TTLL11: variants seen among roughly 807,000 people sequenced by gnomAD.
The protein encoded by TTLL11 is tubulin polyglutamylase TTLL11.
A neutral mutation model predicts 51.7 loss-of-function variants in TTLL11; 42 were observed. The ratio of observed to expected loss-of-function variants is 0.81; its 90% CI spans 0.64 to 1.05. TTLL11 has a LOEUF of 1.05. Among genes scored for constraint, TTLL11 ranks in the 50% least tolerant of loss-of-function variants. The pLI is 0.00. For synonymous variants in TTLL11, 381 were observed against 383.5 expected (o/e 0.99, Z 0.08); for missense variants, 799 against 940.4 (o/e 0.85, Z 1.97).
chr9:122,079,014 G>A lies in TTLL11; in HGVS notation c.462+13673C>T, dbSNP rs1425642923. Among the ~76,000 whole-genome samples the A allele has an allele frequency of 7.2e-5, 11 of 152,226 alleles. No individual in the cohort carries two copies. The East Asian group carries it at 2.1e-3, about 29-fold the overall frequency. ...GACATTTGGATTGTTTCCACTTTCT[G>A]GCTATTGTGAATAATGCTACTATGA... On this transcript the variant is annotated intron_variant, in intron 1 of 8. Transcript: ENST00000321582.
At chr9:121,823,812 T>A (rs753516952) in intron 8 of TTLL11, among the ~76,000 whole-genome samples, 13 of 152,158 alleles carry the variant, frequency 8.5e-5, no homozygotes, top group Non-Finnish European at 1.5e-4. Flanking sequence ...TAAATAGTCA[T>A]CCCTACGACA....
intron 6 of TTLL11, among the ~76,000 whole-genome samples, chr9:121,895,254 T>A (rs1050230826): frequency 7.2e-5 from 11 of 152,054 alleles, no homozygotes; most frequent in African/African-American, 2.7e-4. Context: ...GAACCTCATT[T>A]GTGTGTGTGT....
At chr9:121,909,635 T>G (rs969621067) in intron 6 of TTLL11, among the ~76,000 whole-genome samples, 1 of 152,132 alleles carries the variant, frequency 6.6e-6, no homozygotes, top group Non-Finnish European at 1.5e-5. Flanking sequence ...AGGCATTGTG[T>G]TGGGAACTAG....
chr9:122,052,305 T>C (rs370542635), intron 1 of TTLL11, among the ~76,000 whole-genome samples: 7 of 152,238 alleles, frequency 4.6e-5, no homozygotes, highest in African/African-American at 1.7e-4. Flanking sequence ...CTCTTGCCTA[T>C]GGAAAATGGA....
intron 6 of TTLL11, among the ~76,000 whole-genome samples, chr9:121,954,581 C>G (rs1313677958): frequency 6.6e-6 from 1 of 152,114 alleles, no homozygotes; most frequent in Non-Finnish European, 1.5e-5. Flanking sequence ...CTTCTGAATG[C>G]AGGGGAGAAG....
intron 3 of TTLL11, among the ~76,000 whole-genome samples, chr9:121,994,221 T>C (rs1452938459): frequency 6.6e-6 from 1 of 152,148 alleles, no homozygotes; most frequent in Non-Finnish European, 1.5e-5. Flanking sequence ...GATGATGTGC[T>C]GCTTCGGTGG....
chr9:122,036,229 G>C lies in TTLL11; in HGVS notation c.559+3043C>G, dbSNP rs1047033361. On this transcript the variant is annotated intron_variant, in intron 2 of 8. Coordinates refer to ENST00000321582, the MANE Select transcript of TTLL11 (RefSeq NM_001139442.2). ...AGCCCCAGAGCCCAGACCAATGCTT[G>C]ACAGATGGCTGTCCCCACAGGTTCC... 2.6e-5 allele frequency among the ~76,000 whole-genome samples: 4 copies of C among 151,788 alleles called. No homozygotes were observed. The East Asian group carries it at 7.9e-4, about 30-fold the overall frequency.
intron 1 of TTLL11, among the ~76,000 whole-genome samples, chr9:122,074,437 C>T (rs1365584850): frequency 6.6e-6 from 1 of 152,096 alleles, no homozygotes; most frequent in East Asian, 1.9e-4. Context: ...CATGAAGGTA[C>T]TTGTTGATTT....
At chr9:121,850,336 A>G (rs935555311) in intron 8 of TTLL11, among the ~76,000 whole-genome samples, 1 of 152,130 alleles carries the variant, frequency 6.6e-6, no homozygotes, top group Admixed American at 6.5e-5. Context: ...GGTGTGGCTC[A>G]GTCCAAGTCT....
At chr9:122,018,552 T>C (rs1204201055) in intron 3 of TTLL11, among the ~76,000 whole-genome samples, 1 of 152,220 alleles carries the variant, frequency 6.6e-6, no homozygotes, top group African/African-American at 2.4e-5. Flanking sequence ...ACTCACTGGA[T>C]GCTCACTTGC....
chr9:121,848,355 GT>G (rs1208235379), intron 8 of TTLL11, among the ~76,000 whole-genome samples: 5 of 150,748 alleles, frequency 3.3e-5, no homozygotes, highest in Non-Finnish European at 7.4e-5. Flanking sequence ...GGAAGAAAAA[GT>G]CCCCCCCCTT....
At chr9:122,074,205 C>T (rs1157112919) in intron 1 of TTLL11, among the ~76,000 whole-genome samples, 3 of 149,264 alleles carry the variant, frequency 2.0e-5, no homozygotes, top group Non-Finnish European at 3.0e-5. Flanking sequence ...ACCTGGGAGG[C>T]GGAGGTTGCA....
At chr9:121,846,849 T>C (rs1837528465) in intron 8 of TTLL11, among the ~76,000 whole-genome samples, 1 of 152,156 alleles carries the variant, frequency 6.6e-6, no homozygotes, top group African/African-American at 2.4e-5. Context: ...TCAATAAGCT[T>C]CCATTTTAGG....
chr9:121,908,456 C>T (rs1309836204), intron 6 of TTLL11, among the ~76,000 whole-genome samples: 1 of 152,224 alleles, frequency 6.6e-6, no homozygotes, highest in Non-Finnish European at 1.5e-5. Flanking sequence ...CCAGCCTGGT[C>T]ACCAAGAAGA....
rs892643368 is a variant in TTLL11, at chr9:121,817,653, C to G, written c.*4934G>C. 1 of 152,244 alleles carries G rather than the reference C, an allele frequency of 6.6e-6. No individual in the cohort carries two copies. The highest frequency in any genetic ancestry group is 1.5e-5 in the Non-Finnish European group (1 of 68,070). 9.4% of individuals were successfully genotyped at this position (152,244 alleles called of 1,614,324 possible). ...GAGCAAACACCCAGCCTCTGCGGGA[C>G]GTGGGTTTCCACACCTGCAAAATGG... On this transcript the variant is annotated 3_prime_UTR_variant, in exon 9 of 9. Transcript: ENST00000321582.
chr9:121,887,083 G>C (rs1180398023), intron 6 of TTLL11, among the ~76,000 whole-genome samples: 3 of 152,164 alleles, frequency 2.0e-5, no homozygotes, highest in African/African-American at 7.2e-5. Context: ...CAAAACATCT[G>C]TTTCAGGAAC....
chr9:122,042,827 T>C (rs951620483), intron 1 of TTLL11, among the ~76,000 whole-genome samples: 1 of 152,296 alleles, frequency 6.6e-6, no homozygotes, highest in South Asian at 2.1e-4. Context: ...CTAAATGGAA[T>C]AAGTCAATCT....
At chr9:121,896,156 CTGAG>C (rs1256352260) in intron 6 of TTLL11, among the ~76,000 whole-genome samples, 3 of 151,170 alleles carry the variant, frequency 2.0e-5, no homozygotes, top group Non-Finnish European at 4.4e-5. Context: ...TTATCTCTAA[CTGAG>C]TAAGCAGGAG....
intron 6 of TTLL11, among the ~76,000 whole-genome samples, chr9:121,901,591 C>T (rs1394581824): frequency 6.6e-6 from 1 of 152,044 alleles, no homozygotes; most frequent in East Asian, 1.9e-4. Flanking sequence ...AAGACACTGT[C>T]TTTCCCTCCC....
Sources: gnomAD v4.1 joint callset for allele counts (sites outside exome capture counted in the v4.1 genomes callset) on GRCh38, gnomAD v4.1.1 for gene constraint, MANE v1.5 for transcripts, NCBI Gene and HGNC (gene_info 2026-07-23, HGNC 2026-07-21) for gene names.